Variants in EPG5 observed in about 807,000 individuals in gnomAD.
The protein encoded by EPG5 is ectopic P granules protein 5 homolog.
A neutral mutation model predicts 302.7 loss-of-function variants in EPG5; 159 were observed. The observed-to-expected ratio is 0.53, with a 90% confidence interval of 0.46 to 0.60. The LOEUF (loss-of-function observed/expected upper bound fraction) is 0.60, where lower values mean the gene tolerates loss of function less well. Among genes scored for constraint, EPG5 ranks in the 20% least tolerant of loss-of-function variants. EPG5 has a pLI of 0.00. For missense variants in EPG5, 2,896 were observed against 3,092.4 expected (o/e 0.94, Z 1.51); for synonymous variants, 1,158 against 1,136.8 (o/e 1.02, Z -0.37).
the EPG5 span, among the ~76,000 whole-genome samples, chr18:45,831,828 C>G: frequency 2.6e-5 from 4 of 151,964 alleles, no homozygotes; most frequent in South Asian, 2.1e-4. Flanking sequence ...GCCTCCGCCT[C>G]CCGGGTTCAA....
chr18:45,887,833 A>G lies in EPG5; in HGVS notation c.5027T>C (p.Ile1676Thr), dbSNP rs368012788. 15 of 1,605,568 alleles carry G rather than the reference A, an allele frequency of 9.3e-6. No homozygotes were observed. The highest frequency in any genetic ancestry group is 1.3e-5 in the Non-Finnish European group (15 of 1,173,554). Residue 1676 changes from isoleucine to threonine, a missense_variant, in exon 29 of 44, where the codon ATT becomes ACT. Physicochemically the swap from Ile to Thr is moderately conservative, Grantham distance 89. Transcript: ENST00000282041. ...QKVGISLFFT[I>T]VDYVSDETQR... is the part of the protein sequence containing the mutation. ...CGTCTCATCGCTGACGTAATCCACAATAGTAAAGAAAAGGCTAATGCCAAC... is the reference window on the plus strand; with the variant it reads ...CGTCTCATCGCTGACGTAATCCACAGTAGTAAAGAAAAGGCTAATGCCAAC...
chr18:45,889,803 C>T lies in EPG5; in HGVS notation c.4947G>A (p.Leu1649=). 1 of 1,598,000 alleles carries T rather than the reference C, an allele frequency of 6.3e-7. No homozygotes were observed. The highest frequency in any genetic ancestry group is 8.5e-7 in the Non-Finnish European group (1 of 1,173,078). The change falls in exon 28 of 44, where the codon TTG becomes TTA. Residue 1649 remains leucine, a synonymous_variant. Coordinates refer to ENST00000282041, the MANE Select transcript of EPG5 (RefSeq NM_020964.3). ...ATAATGCCTGCAAAACTTACGTGAT[C>T]AAGTTTTCTGCATGTACAGCAGCTT... ...IVEAAVHAEN[L]ITALVNAYKL...
At position 45,943,275 on chromosome 18, in the gene EPG5, A is replaced by T; in HGVS notation, c.1829T>A (p.Met610Lys). 5 of 1,614,124 alleles carry T rather than the reference A, an allele frequency of 3.1e-6. No homozygotes were observed. The highest frequency in any genetic ancestry group is 4.2e-6 in the Non-Finnish European group (5 of 1,179,990). Residue 610 changes from methionine (M) to lysine (K), a missense_variant, in exon 9 of 44, where the codon ATG becomes AAG. Physicochemically the swap from Met to Lys is moderately conservative, Grantham distance 95 (BLOSUM62 -1). This residue lies in a region of EPG5 where 1,390 missense variants were observed against 1,430.0 expected (regional missense o/e 0.97). Transcript: ENST00000282041. ...GTTGGCAAAGGCAAAAATTTTCATC[A>T]TCTCTTGAGGTCTTGTTGTTTCAGG... ...YLPETTRPQE[M>K]MKIFAFANSL...
At chr18:45,838,938 C>T in the EPG5 span, 3 of 1,605,000 alleles carry the variant, frequency 1.9e-6, no homozygotes, top group African/African-American at 1.3e-5. Flanking sequence ...CGTGTACGGC[C>T]GCCAACAGCC....
At position 45,902,681 on chromosome 18, in the gene EPG5, CTCTTA is replaced by C. The variant is rs376163884; in HGVS notation, c.4474+1287_4474+1291del. Reference sequence around the variant, plus strand: ...TCATTTGATATAATCATCAACTAATCTCTTATATCTGAGAAAAACCTGAAACTCAC... The same window carrying C: ...TCATTTGATATAATCATCAACTAATCTATCTGAGAAAAACCTGAAACTCAC... On this transcript the variant is annotated intron_variant, in intron 25 of 43. Transcript: ENST00000282041. 3.3e-5 allele frequency among the ~76,000 whole-genome samples: 5 copies of C among 152,312 alleles called. No individual in the cohort carries two copies. The East Asian group carries it at 9.7e-4, about 29-fold the overall frequency.
intron 4 of EPG5, 27 bp downstream of exon 4, chr18:45,951,075 C>T (rs778682674): frequency 1.3e-6 from 2 of 1,483,370 alleles, no homozygotes; most frequent in South Asian, 1.5e-5. Flanking sequence ...AAAACAAAGA[C>T]TACTGTGTCT....
At chr18:45,966,098 C>T (rs1477404074) in intron 1 of EPG5, among the ~76,000 whole-genome samples, 2 of 151,238 alleles carry the variant, frequency 1.3e-5, no homozygotes, top group East Asian at 2.0e-4. Flanking sequence ...ATAGGCTGGG[C>T]GCGGTGGCTC....
chr18:45,807,725 G>C, the EPG5 span, among the ~76,000 whole-genome samples: 1 of 152,104 alleles, frequency 6.6e-6, no homozygotes, highest in Non-Finnish European at 1.5e-5. Flanking sequence ...AAAAAAATCT[G>C]AACAACAGAC....
intron 27 of EPG5, among the ~76,000 whole-genome samples, chr18:45,895,587 T>C (rs28450604): frequency 0.044 from 6,624 of 152,184 alleles, 419 homozygotes; most frequent in African/African-American, 0.14. Context: ...AACTAGCAAT[T>C]TAAGGGTTTG....
the EPG5 span, among the ~76,000 whole-genome samples, chr18:45,814,602 G>GA: frequency 6.6e-6 from 1 of 152,318 alleles, no homozygotes; most frequent in East Asian, 1.9e-4. Flanking sequence ...GGGATAAAGA[G>GA]AAAAGTGCAT....
At chr18:45,945,334 CA>C (rs2050763308) in intron 7 of EPG5, among the ~76,000 whole-genome samples, 1 of 152,108 alleles carries the variant, frequency 6.6e-6, no homozygotes, top group Admixed American at 6.5e-5. Context: ...GCAAGGTTTG[CA>C]AGTTGCCCAG....
At chr18:45,845,990 C>T (rs2048360156), downstream of EPG5, among the ~76,000 whole-genome samples, 1 of 152,172 alleles carries the variant, frequency 6.6e-6, no homozygotes, top group Non-Finnish European at 1.5e-5. Flanking sequence ...TGGCTGGAGA[C>T]ACCATGGGCT....
intron 9 of EPG5, among the ~76,000 whole-genome samples, chr18:45,942,300 A>G (rs1028396726): frequency 6.6e-6 from 1 of 152,186 alleles, no homozygotes; most frequent in African/African-American, 2.4e-5. Context: ...TAATGGATAC[A>G]TATCTAAAAT....
At chr18:45,923,487 T>A in intron 14 of EPG5, 100 bp from the exon 15 acceptor site, 1 of 1,291,088 alleles carries the variant, frequency 7.7e-7, no homozygotes, top group Non-Finnish European at 1.1e-6. Context: ...CAAAGGATCT[T>A]CGATGTAGAA....
the EPG5 span, among the ~76,000 whole-genome samples, chr18:45,820,257 C>T: frequency 6.6e-6 from 1 of 152,116 alleles, no homozygotes; most frequent in Non-Finnish European, 1.5e-5. Flanking sequence ...CTTAGAAAAC[C>T]CCAAGCATTC....
intron 23 of EPG5, among the ~76,000 whole-genome samples, chr18:45,909,826 G>A (rs187854547): frequency 2.6e-5 from 4 of 152,292 alleles, no homozygotes; most frequent in Non-Finnish European, 4.4e-5. Flanking sequence ...ACGTGTGGTG[G>A]CACACACCTG....
the EPG5 span, among the ~76,000 whole-genome samples, chr18:45,815,604 A>G: frequency 1.1e-4 from 16 of 152,226 alleles, no homozygotes; most frequent in Admixed American, 8.5e-4. Flanking sequence ...AGACCTCTAC[A>G]AGGAAAACTA....
rs200203116 is a variant in EPG5, at chr18:45,865,616, G to A, written c.6765C>T (p.Pro2255=). 1.5e-4 allele frequency: 240 copies of A among 1,613,826 alleles called. No homozygotes were observed. Among genetic ancestry groups the A allele is most frequent in the South Asian group, 6.7e-4 (61 of 91,036 alleles). The part of the protein sequence containing the change: ...LLDDIIVFNP[P]DMDSQTRHMA... ...CAGGACTTCCGACTGGTCACTTACC[G>A]GGCGGGTTAAAGACAATGATATCGT... Residue 2255 remains proline (P), a splice_region_variant and synonymous_variant, in exon 39 of 44, where the codon CCC becomes CCT. Transcript: ENST00000282041.
intron 13 of EPG5, among the ~76,000 whole-genome samples, chr18:45,928,101 T>G (rs1417039728): frequency 6.6e-6 from 1 of 151,220 alleles, no homozygotes; most frequent in South Asian, 2.1e-4. Context: ...GAGGCTGAGA[T>G]AGGAGAATCA....
Sources: allele counts gnomAD v4.1 joint callset (sites outside exome capture counted in the v4.1 genomes callset), GRCh38; gene constraint gnomAD v4.1.1; regional missense constraint gnomAD v4.1.1; transcripts MANE v1.5; gene names NCBI Gene and HGNC (gene_info 2026-07-23, HGNC 2026-07-21).